The following SFMBT1 variants were observed in gnomAD, a reference collection of about 807,000 sequenced individuals.
SFMBT1 encodes Scm like with four mbt domains 1, also known as scm-like with four MBT domains protein 1.
A neutral mutation model predicts 108.7 loss-of-function variants in SFMBT1; 32 were observed. The ratio of observed to expected loss-of-function variants is 0.29; its 90% CI spans 0.22 to 0.40. The LOEUF is 0.40. Ranked by LOEUF, SFMBT1 falls within the 10% of genes least tolerant of loss-of-function variation. The pLI, the probability that SFMBT1 is intolerant of heterozygous loss-of-function variation, is 1.00. For missense variants in SFMBT1, 816 were observed against 1,059.6 expected (o/e 0.77, Z 3.19); for synonymous variants, 348 against 369.5 (o/e 0.94, Z 0.67).
chr3:52,989,201 T>C (rs966254221), intron 1 of SFMBT1, among the ~76,000 whole-genome samples: 2 of 152,264 alleles, frequency 1.3e-5, no homozygotes, highest in African/African-American at 2.4e-5. Context: ...GCCAGTTTTC[T>C]AAGATTAGGA....
At chr3:53,009,238 G>C (rs1698860623) in intron 1 of SFMBT1, among the ~76,000 whole-genome samples, 1 of 151,668 alleles carries the variant, frequency 6.6e-6, no homozygotes, top group Non-Finnish European at 1.5e-5. Context: ...CTTAAGGTCG[G>C]GAGTTCAAGA....
Position 52,911,169 on chromosome 3 carries a change from T to A in SFMBT1, c.1740A>T (p.Gly580=). The part of the protein sequence containing the change: ...CGEVLKAKYK[G]KSYRATVEIV... ...TCTCAACAGTAGCCCGATAACTCTT[T>A]CCTTTATATCTGCCATTGGAAGACA... The change falls in exon 17 of 21, where the codon GGA becomes GGT. Residue 580 remains glycine, a synonymous_variant. Coordinates refer to ENST00000394752, the MANE Select transcript of SFMBT1 (RefSeq NM_016329.4). 6.2e-7 allele frequency: 1 copy of A among 1,604,646 alleles called. No individual in the cohort carries two copies. Among genetic ancestry groups the A allele is most frequent in the Non-Finnish European group, 8.5e-7 (1 of 1,175,810 alleles).
intron 9 of SFMBT1, among the ~76,000 whole-genome samples, chr3:52,927,887 G>A (rs955736504): frequency 5.3e-5 from 8 of 152,086 alleles, no homozygotes; most frequent in African/African-American, 1.9e-4. Context: ...GACATAAAAG[G>A]GACTAAGGAG....
At chr3:52,970,100 CAA>C (rs1160705166) in intron 1 of SFMBT1, among the ~76,000 whole-genome samples, 7 of 127,312 alleles carry the variant, frequency 5.5e-5, no homozygotes, top group Non-Finnish European at 5.0e-5. Context: ...GACACTGTCT[CAA>C]AAAAAAAAAA....
chr3:52,931,399 G>A (rs770979873), intron 6 of SFMBT1, among the ~76,000 whole-genome samples: 3 of 152,064 alleles, frequency 2.0e-5, no homozygotes, highest in Non-Finnish European at 4.4e-5. Flanking sequence ...ACAATTTGCT[G>A]TGACCCAATT....
At chr3:53,007,493 T>C (rs35174175) in intron 1 of SFMBT1, among the ~76,000 whole-genome samples, 10,666 of 152,258 alleles carry the variant, frequency 0.07, 439 homozygotes, top group Non-Finnish European at 0.095. Flanking sequence ...AGTTGAGAAA[T>C]TCTGGCCTAG....
chr3:53,007,341 G>T (rs1174702875), intron 1 of SFMBT1, among the ~76,000 whole-genome samples: 1 of 152,182 alleles, frequency 6.6e-6, no homozygotes, highest in East Asian at 1.9e-4. Flanking sequence ...GTATCAAAAA[G>T]TCACTCTAAG....
intron 1 of SFMBT1, among the ~76,000 whole-genome samples, chr3:53,002,894 T>C (rs1194308982): frequency 6.7e-6 from 1 of 150,164 alleles, no homozygotes; most frequent in Non-Finnish European, 1.5e-5. Context: ...CCCCGCTCTC[T>C]GGTCCTGGCT....
At chr3:52,934,963 A>C in intron 4 of SFMBT1, 62 bp from the exon 5 acceptor site, 1 of 1,309,608 alleles carries the variant, frequency 7.6e-7, no homozygotes, top group Non-Finnish European at 1.1e-6. Context: ...AGAGAAACCG[A>C]AATCAGTGGA....
In SFMBT1 at chr3:52,924,515, G is replaced by A. The variant is rs184151472; in HGVS notation, c.1131+1516C>T. ...AAATTAGCCAGGCATGGTGGCGGGC[G>A]CCTATAATTCCAGCTACTCAGGAGG... is the stretch of plus-strand genomic sequence containing the variant. On this transcript the variant is annotated intron_variant, in intron 10 of 20. Coordinates refer to ENST00000394752, the MANE Select transcript of SFMBT1 (RefSeq NM_016329.4). Among the ~76,000 whole-genome samples, 978 of 152,128 alleles carry A rather than the reference G, an allele frequency of 6.4e-3. 93 individuals carry two copies. In the South Asian group the frequency reaches 0.18, roughly 28 times the overall value.
At chr3:52,949,002 T>C (rs1214694452) in intron 3 of SFMBT1, among the ~76,000 whole-genome samples, 3 of 151,912 alleles carry the variant, frequency 2.0e-5, no homozygotes, top group South Asian at 2.1e-4. Flanking sequence ...AGACATTTTA[T>C]GTTTCTGATG....
intron 4 of SFMBT1, among the ~76,000 whole-genome samples, chr3:52,936,107 A>G (rs893898269): frequency 6.6e-6 from 1 of 152,180 alleles, no homozygotes; most frequent in Non-Finnish European, 1.5e-5. Context: ...AGAGGCACAT[A>G]TGGTCTGGCT....
chr3:52,948,825 A>ATTTTTTTTTTTT (rs71615878), intron 3 of SFMBT1, among the ~76,000 whole-genome samples: 1,515 of 78,216 alleles, frequency 0.019, 96 homozygotes, highest in African/African-American at 0.023. Flanking sequence ...CTAATTTTTA[A>ATTTTTTTTTTTT]TTTTTTTTTT....
At chr3:52,968,368 CAT>C (rs1478479012) in intron 2 of SFMBT1, among the ~76,000 whole-genome samples, 6 of 152,238 alleles carry the variant, frequency 3.9e-5, no homozygotes, top group Admixed American at 6.5e-5. Context: ...GGAATCTACA[CAT>C]GTGACAAAAT....
chr3:52,918,643 G>GTA, intron 12 of SFMBT1, 117 bp from the exon 13 acceptor site: 3 of 500,044 alleles, frequency 6.0e-6, no homozygotes, highest in South Asian at 3.3e-5. Flanking sequence ...GAGTGTGTGT[G>GTA]TATATATGTG....
rs17052697 is a variant in SFMBT1, at chr3:52,990,200, G to A, written c.-130-20942C>T. On this transcript the variant is annotated intron_variant, in intron 1 of 20. Transcript: ENST00000394752. Reference sequence around the variant, plus strand: ...TAAAAATAACTCAAAGCATACACCCGAAGTCATTAAAAGGTTTTTCCTCAG... The same window carrying A: ...TAAAAATAACTCAAAGCATACACCCAAAGTCATTAAAAGGTTTTTCCTCAG... 4.6e-3 allele frequency among the ~76,000 whole-genome samples: 696 copies of A among 152,274 alleles called. 20 individuals carry two copies. In the East Asian group the frequency reaches 0.072, roughly 16 times the overall value.
intron 2 of SFMBT1, among the ~76,000 whole-genome samples, chr3:52,958,187 G>A (rs1329362770): frequency 6.6e-6 from 1 of 152,190 alleles, no homozygotes; most frequent in African/African-American, 2.4e-5. Flanking sequence ...AGACATTTAT[G>A]TGGGCAACAA....
At chr3:52,943,630 T>C (rs775476644) in intron 3 of SFMBT1, 37 bp from the exon 4 acceptor site, 12 of 1,613,932 alleles carry the variant, frequency 7.4e-6, no homozygotes, top group Non-Finnish European at 9.3e-6. Flanking sequence ...CAGACAAGTA[T>C]CTTAAATGAG....
At chr3:52,951,703 C>T (rs1398012574) in intron 3 of SFMBT1, among the ~76,000 whole-genome samples, 3 of 152,230 alleles carry the variant, frequency 2.0e-5, no homozygotes, top group Non-Finnish European at 4.4e-5. Context: ...GCAGCAGGAA[C>T]ATGCCCTTAA....
Sources: allele counts gnomAD v4.1 joint callset (sites outside exome capture counted in the v4.1 genomes callset), GRCh38; gene constraint gnomAD v4.1.1; transcripts MANE v1.5; gene names NCBI Gene and HGNC (gene_info 2026-07-23, HGNC 2026-07-21).